The following DGKI variants were observed in gnomAD, a reference collection of about 807,000 sequenced individuals.
The protein encoded by DGKI is DAG kinase iota.
A neutral mutation model predicts 147.5 loss-of-function variants in DGKI; 55 were observed. That is an observed-to-expected ratio of 0.37 (90% CI 0.30 to 0.47). The LOEUF (loss-of-function observed/expected upper bound fraction) is 0.47, where lower values mean the gene tolerates loss of function less well. Among genes scored for constraint, DGKI ranks in the 20% least tolerant of loss-of-function variants. DGKI has a pLI of 1.00. For missense variants in DGKI, 1,007 were observed against 1,323.8 expected (o/e 0.76, Z 3.71); for synonymous variants, 469 against 477.1 (o/e 0.98, Z 0.22).
intron 7 of DGKI, 113 bp from the exon 8 acceptor site, chr7:137,620,053 A>ACACACT (rs774829700): frequency 1.2e-4 from 84 of 725,832 alleles, no homozygotes; most frequent in Non-Finnish European, 1.1e-4. Context: ...ACACACACAC[A>ACACACT]CTCATTACAT....
At chr7:137,710,734 G>C (rs1302432798) in intron 1 of DGKI, among the ~76,000 whole-genome samples, 1 of 151,762 alleles carries the variant, frequency 6.6e-6, no homozygotes, top group African/African-American at 2.4e-5. Flanking sequence ...TTAATAAATA[G>C]AACACACACA....
At chr7:137,706,544 T>C (rs1279519686) in intron 1 of DGKI, among the ~76,000 whole-genome samples, 1 of 149,650 alleles carries the variant, frequency 6.7e-6, no homozygotes, top group Non-Finnish European at 1.5e-5. Flanking sequence ...TATTTCATTT[T>C]ATTTATCTAT....
intron 28 of DGKI, among the ~76,000 whole-genome samples, chr7:137,414,608 T>C (rs532703253): frequency 6.6e-6 from 1 of 151,296 alleles, no homozygotes; most frequent in Non-Finnish European, 1.5e-5. Flanking sequence ...TAGTGGAGTT[T>C]AAAGTAACTT....
At chr7:137,414,916 G>T (rs1415464287) in intron 28 of DGKI, among the ~76,000 whole-genome samples, 1 of 152,180 alleles carries the variant, frequency 6.6e-6, no homozygotes, top group South Asian at 2.1e-4. Flanking sequence ...CCTCTCGGTA[G>T]TTAGGATAAA....
At chr7:137,690,179 G>C (rs1306984590) in intron 1 of DGKI, among the ~76,000 whole-genome samples, 177 bp from the exon 2 acceptor site, 3 of 152,146 alleles carry the variant, frequency 2.0e-5, no homozygotes, top group Non-Finnish European at 2.9e-5. Context: ...GTCCAAAGAG[G>C]GTGGCAGGTC....
intron 21 of DGKI, among the ~76,000 whole-genome samples, chr7:137,518,955 T>C (rs1375460316): frequency 1.3e-5 from 2 of 152,068 alleles, no homozygotes; most frequent in African/African-American, 4.8e-5. Context: ...ATATGGCCAC[T>C]TTCTCTTTAT....
chr7:137,721,907 C>T (rs1415224168), intron 1 of DGKI: 17 of 876,602 alleles, frequency 1.9e-5, no homozygotes, highest in Non-Finnish European at 2.7e-5. Context: ...AATTCCAATC[C>T]TCCATCAAGC....
chr7:137,520,962 G>T (rs1013171776), intron 21 of DGKI, among the ~76,000 whole-genome samples: 5 of 152,150 alleles, frequency 3.3e-5, no homozygotes, highest in African/African-American at 1.2e-4. Flanking sequence ...ACCATTTGGG[G>T]ACTGGGTTCG....
intron 28 of DGKI, among the ~76,000 whole-genome samples, chr7:137,424,925 C>T (rs1332057398): frequency 6.6e-6 from 1 of 152,240 alleles, no homozygotes; most frequent in Non-Finnish European, 1.5e-5. Flanking sequence ...CTCAAGGAGG[C>T]CTGCCTGCCT....
chr7:137,561,775 A>G (rs1423757928), intron 19 of DGKI, among the ~76,000 whole-genome samples: 1 of 152,190 alleles, frequency 6.6e-6, no homozygotes, highest in Non-Finnish European at 1.5e-5. Flanking sequence ...AAGACACACT[A>G]TATACAAGGA....
chr7:137,481,825 C>G (rs1246068780), intron 23 of DGKI, among the ~76,000 whole-genome samples: 1 of 151,952 alleles, frequency 6.6e-6, no homozygotes, highest in Non-Finnish European at 1.5e-5. Context: ...CAGCTAAAAC[C>G]CTAGCTGCAA....
At chr7:137,478,631 T>C (rs1563044167) in intron 23 of DGKI, among the ~76,000 whole-genome samples, 1 of 152,164 alleles carries the variant, frequency 6.6e-6, no homozygotes, top group Admixed American at 6.5e-5. Context: ...GATTCCTTGA[T>C]TCAGGGGCAT....
At chr7:137,574,866 T>G (rs981274929) in intron 17 of DGKI, among the ~76,000 whole-genome samples, 2 of 152,208 alleles carry the variant, frequency 1.3e-5, no homozygotes, top group African/African-American at 4.8e-5. Flanking sequence ...CAAATACATA[T>G]TTTATATCTC....
At chr7:137,638,627 T>TAC (rs1563125986) in intron 6 of DGKI, among the ~76,000 whole-genome samples, 298 of 7,654 alleles carry the variant, frequency 0.039, 36 homozygotes, top group East Asian at 0.17. Context: ...CACACATATA[T>TAC]ATGTGTGTAT....
chr7:137,808,660 A>T (rs1797458519), intron 1 of DGKI, among the ~76,000 whole-genome samples: 1 of 152,216 alleles, frequency 6.6e-6, no homozygotes, highest in Non-Finnish European at 1.5e-5. Context: ...CCATGAGAGG[A>T]GACAGACAGT....
intron 1 of DGKI, among the ~76,000 whole-genome samples, chr7:137,702,171 T>C (rs1443076481): frequency 6.6e-6 from 1 of 152,098 alleles, no homozygotes; most frequent in Non-Finnish European, 1.5e-5. Flanking sequence ...GATAGAAACC[T>C]AAAAGTTAAA....
intron 28 of DGKI, among the ~76,000 whole-genome samples, chr7:137,440,728 G>A (rs1377441938): frequency 2.0e-5 from 3 of 152,158 alleles, no homozygotes; most frequent in South Asian, 2.1e-4. Flanking sequence ...TGGAGCATGC[G>A]AGCACAGTGC....
intron 12 of DGKI, among the ~76,000 whole-genome samples, chr7:137,593,568 C>T (rs974752196): frequency 5.3e-5 from 8 of 152,318 alleles, no homozygotes; most frequent in Non-Finnish European, 1.2e-4. Context: ...ACTACACCTG[C>T]ACTGTCCAAC....
chr7:137,638,640 A>ATACACACATATACATATATATG, intron 6 of DGKI, among the ~76,000 whole-genome samples: 2 of 40,276 alleles, frequency 5.0e-5, no homozygotes, highest in Non-Finnish European at 3.9e-5. Flanking sequence ...GTGTGTATAT[A>ATACACACATATACATATATATG]TGTGTATGTA....
Sources: gnomAD v4.1 joint callset for allele counts (sites outside exome capture counted in the v4.1 genomes callset) on GRCh38, gnomAD v4.1.1 for gene constraint, MANE v1.5 for transcripts, NCBI Gene and HGNC (gene_info 2026-07-23, HGNC 2026-07-21) for gene names.